The following PCDHGA3 variants were observed in gnomAD, a reference collection of about 807,000 sequenced individuals.
PCDHGA3 encodes the protein protocadherin gamma subfamily A, 3.
A neutral mutation model predicts 58.5 loss-of-function variants in PCDHGA3; 40 were observed. That is an observed-to-expected ratio of 0.68 (90% CI 0.53 to 0.89). The LOEUF (loss-of-function observed/expected upper bound fraction) is 0.89, where lower values mean the gene tolerates loss of function less well. Among genes scored for constraint, PCDHGA3 ranks in the 40% least tolerant of loss-of-function variants. The probability of loss-of-function intolerance (pLI) is 0.00; values close to 1 mark genes in which losing one functional copy is unlikely to be tolerated. For synonymous variants in PCDHGA3, 530 were observed against 525.7 expected, an observed-to-expected ratio of 1.01 and a Z score of -0.11; for missense variants, 1,223 against 1,195.9, an observed-to-expected ratio of 1.02 and a Z score of -0.33.
At position 141,418,204 on chromosome 5, in the gene PCDHGA3, T is replaced by G. The variant is rs1456912993; in HGVS notation, c.2424+71747T>G. ...AAGCTGTGGTGGAAAATCCTTTAAATATTTTTCATGTCATTGTGGTGATTG... is the reference window on the plus strand; with the variant it reads ...AAGCTGTGGTGGAAAATCCTTTAAAGATTTTTCATGTCATTGTGGTGATTG... On this transcript the variant is annotated intron_variant, in intron 1 of 3. Transcript: ENST00000253812. The G allele has an allele frequency of 2.5e-6, 4 of 1,614,054 alleles. No homozygotes were observed. The East Asian group carries it at 8.9e-5, about 36-fold the overall frequency.
chr5:141,461,830 CT>C (rs1030113508), intron 1 of PCDHGA3, among the ~76,000 whole-genome samples: 30 of 145,198 alleles, frequency 2.1e-4, no homozygotes, highest in Non-Finnish European at 2.4e-4. Flanking sequence ...ATTTTTTTTT[CT>C]TTTTTTTTTG....
rs1253223100 is a variant in PCDHGA3 at position 141,493,049 on chromosome 5, T to C, written c.2425-1758T>C. Among the ~76,000 whole-genome samples the C allele has an allele frequency of 6.6e-6, 1 of 152,188 alleles. No homozygotes were observed. Among genetic ancestry groups the C allele is most frequent in the Non-Finnish European group, 1.5e-5 (1 of 68,032 alleles). Reference sequence around the variant, plus strand: ...GCCCTTATGTGTGAGGAAACTACAATAGTAAAAAACACAAGTTTCTCCAAC... The same window carrying C: ...GCCCTTATGTGTGAGGAAACTACAACAGTAAAAAACACAAGTTTCTCCAAC... On this transcript the variant is annotated intron_variant, in intron 1 of 3. Transcript: ENST00000253812. This position sits in a 1 kb window ranked among gnomAD's most constrained non-coding sequence, Gnocchi z 4.3.
At position 141,387,415 on chromosome 5, in the gene PCDHGA3, A is replaced by C. The variant is rs111350375; in HGVS notation, c.2424+40958A>C. Among the ~76,000 whole-genome samples the C allele has an allele frequency of 1.1e-3, 175 of 152,362 alleles. 1 individual carries two copies. Among genetic ancestry groups the C allele is most frequent in the Admixed American group, 4.9e-3 (75 of 15,312 alleles). ...CATGTTTGAAGATTGGGGAAAGCTT[A>C]TGTCAATAAATGTTTATGTACTTAA... On this transcript the variant is annotated intron_variant, in intron 1 of 3. Coordinates refer to ENST00000253812, the MANE Select transcript of PCDHGA3 (RefSeq NM_018916.4).
chr5:141,345,578 C>CGCGCTG lies in PCDHGA3; in HGVS notation c.1546_1551dup (p.Ala516_Leu517dup). On this transcript the variant is annotated inframe_insertion, in exon 1 of 4. Transcript: ENST00000253812. Reference sequence around the variant, plus strand: ...TCAACTCCAACACTGGCGTCCTATACGCGCTGAGATCCTTCGACTACGAGC... The same window carrying CGCGCTG: ...TCAACTCCAACACTGGCGTCCTATACGCGCTGGCGCTGAGATCCTTCGACTACGAGC... 1 of 1,614,208 alleles carries CGCGCTG rather than the reference C, an allele frequency of 6.2e-7. No homozygotes were observed. The highest frequency in any genetic ancestry group is 1.7e-5 in the Admixed American group (1 of 60,032).
chr5:141,393,055 G>A (rs1225924697), intron 1 of PCDHGA3: 1 of 1,613,678 alleles, frequency 6.2e-7, no homozygotes, highest in South Asian at 1.1e-5. Flanking sequence ...AACCCGCGCA[G>A]CGGCAGCTTG....
rs748428255 is a variant in PCDHGA3 at position 141,345,028 on chromosome 5, A to G, written c.995A>G (p.Lys332Arg). The G allele has an allele frequency of 5.6e-6, 9 of 1,614,052 alleles. No individual in the cohort carries two copies. In the South Asian group the frequency reaches 6.6e-5, roughly 12 times the overall value. The change falls in exon 1 of 4, where the codon AAG (lysine) becomes AGG (arginine). Residue 332 changes from lysine (K) to arginine (R), a missense_variant. Coordinates refer to ENST00000253812, the MANE Select transcript of PCDHGA3 (RefSeq NM_018916.4). Reference protein sequence around the residue: ...QDGPGLLSRAKILVTVLDVND... With the variant: ...QDGPGLLSRARILVTVLDVND... ...GGACCAGGTCTTCTTTCAAGAGCCA[A>G]GATTCTAGTCACGGTTCTGGATGTG...
intron 1 of PCDHGA3, chr5:141,422,919 G>A (rs1445179310): frequency 3.7e-6 from 6 of 1,614,238 alleles, no homozygotes; most frequent in Non-Finnish European, 5.1e-6. Flanking sequence ...CCGAGATCCT[G>A]TACCCTGCCC....
intron 1 of PCDHGA3, chr5:141,429,251 A>C (rs2097199889): frequency 6.6e-6 from 1 of 151,884 alleles, no homozygotes; most frequent in Non-Finnish European, 1.5e-5. Context: ...GAGATATTTT[A>C]ATTGAGGAAT....
At chr5:141,357,244 G>C in intron 1 of PCDHGA3, 4 of 1,613,834 alleles carry the variant, frequency 2.5e-6, no homozygotes, top group Non-Finnish European at 3.4e-6. Context: ...CAAGCCTTCA[G>C]CAGACCCAGA....
intron 1 of PCDHGA3, chr5:141,413,901 C>T (rs375828969): frequency 1.5e-5 from 24 of 1,613,244 alleles, no homozygotes; most frequent in African/African-American, 1.1e-4. Context: ...CAAATGACAA[C>T]GCGCCGGTCT....
At chr5:141,415,562 CT>C in intron 1 of PCDHGA3, 3 of 1,613,960 alleles carry the variant, frequency 1.9e-6, no homozygotes, top group Non-Finnish European at 1.7e-6. Context: ...GATCCTTTGT[CT>C]TTGTTAGATG....
intron 1 of PCDHGA3, chr5:141,427,316 C>G: frequency 2.2e-6 from 1 of 457,002 alleles, no homozygotes; most frequent in Non-Finnish European, 4.4e-6. Context: ...ATGCCCCAGA[C>G]GTGGTTTTTA....
chr5:141,413,660 T>C (rs747874019), intron 1 of PCDHGA3: 5 of 1,613,752 alleles, frequency 3.1e-6, no homozygotes, highest in Non-Finnish European at 4.2e-6. Flanking sequence ...CCGGAAGCTA[T>C]TGATCCGGAT....
rs774487660 is a variant in PCDHGA3, at chr5:141,404,806, G to C, written c.2424+58349G>C. 6 of 1,613,874 alleles carry C rather than the reference G, an allele frequency of 3.7e-6. No individual in the cohort carries two copies. In the South Asian group the frequency reaches 5.5e-5, roughly 15 times the overall value. On this transcript the variant is annotated intron_variant, in intron 1 of 3. Transcript: ENST00000253812. ...AGGCCAGTGAGCCAGGGCTCTTCTCGGTGGGGCTGCACACAGGTGAAGTGC... is the reference window on the plus strand; with the variant it reads ...AGGCCAGTGAGCCAGGGCTCTTCTCCGTGGGGCTGCACACAGGTGAAGTGC...
chr5:141,371,859 T>A (rs1314195914), intron 1 of PCDHGA3: 1 of 1,613,576 alleles, frequency 6.2e-7, no homozygotes, highest in Non-Finnish European at 8.5e-7. Context: ...CCTTGTCTCC[T>A]ACTACATCGT....
intron 1 of PCDHGA3, chr5:141,352,446 C>T: frequency 1.9e-6 from 3 of 1,614,050 alleles, no homozygotes; most frequent in Non-Finnish European, 2.5e-6. Context: ...GGTCTCTGCT[C>T]CAAGTCTGGG....
At position 141,344,018 on chromosome 5, in the gene PCDHGA3, A is replaced by T. The variant is rs1757350720; in HGVS notation, c.-16A>T. The T allele has an allele frequency of 1.3e-6, 2 of 1,518,764 alleles. No homozygotes were observed. Among genetic ancestry groups the T allele is most frequent in the South Asian group, 2.7e-5 (2 of 73,928 alleles). The allele number at this position is 1,518,764 out of a possible 1,614,324, so 94.1% of individuals were successfully genotyped here. Reference sequence around the variant, plus strand: ...ACTGGAACCGAATTCAGAGAAAGCGATTCACCGAAAAGGAAATGACCAATT... The same window carrying T: ...ACTGGAACCGAATTCAGAGAAAGCGTTTCACCGAAAAGGAAATGACCAATT... On this transcript the variant is annotated 5_prime_UTR_variant, in exon 1 of 4. Transcript: ENST00000253812.
intron 1 of PCDHGA3, among the ~76,000 whole-genome samples, chr5:141,439,635 C>T (rs1326926948): frequency 3.3e-5 from 5 of 152,274 alleles, no homozygotes; most frequent in Middle Eastern, 3.4e-3. Context: ...CCAGACATTC[C>T]GGCTTGGTGG....
In PCDHGA3 at chr5:141,490,654, C is replaced by A; in HGVS notation, c.2425-4153C>A. On this transcript the variant is annotated intron_variant, in intron 1 of 3. Transcript: ENST00000253812. The surrounding 1 kb of genome is among the most constrained non-coding windows in gnomAD (Gnocchi z 5.4). ...CCTAGAAAACCGGCCTCCGGGCTCC[C>A]TTCTTTGCACTGTGGCTGCCTCAGA... 6.2e-7 allele frequency: 1 copy of A among 1,614,206 alleles called. No individual in the cohort carries two copies. Among genetic ancestry groups the A allele is most frequent in the Non-Finnish European group, 8.5e-7 (1 of 1,180,014 alleles).
Sources: gnomAD v4.1 joint callset for allele counts (sites outside exome capture counted in the v4.1 genomes callset) on GRCh38, gnomAD v4.1.1 for gene constraint, Gnocchi (gnomAD v3.1) non-coding constraint, MANE v1.5 for transcripts, NCBI Gene and HGNC (gene_info 2026-07-23, HGNC 2026-07-21) for gene names.